The following SCN3A variants were observed in gnomAD, a reference collection of about 807,000 sequenced individuals.
SCN3A encodes the protein sodium voltage-gated channel alpha subunit 3.
In SCN3A, 60 loss-of-function variants were observed where a neutral mutation model predicts 187.6. The ratio of observed to expected loss-of-function variants is 0.32; its 90% CI spans 0.26 to 0.40. The LOEUF (loss-of-function observed/expected upper bound fraction) is 0.40, where lower values mean the gene tolerates loss of function less well. Among genes scored for constraint, SCN3A ranks in the 10% least tolerant of loss-of-function variants. SCN3A has a pLI of 1.00. For missense variants in SCN3A, 1,601 were observed against 2,428.2 expected, an observed-to-expected ratio of 0.66 and a Z score of 7.16; for synonymous variants, 788 against 829.2, an observed-to-expected ratio of 0.95 and a Z score of 0.85.
At chr2:165,199,364 T>A (rs1193484484) in intron 1 of SCN3A, among the ~76,000 whole-genome samples, 1 of 151,960 alleles carries the variant, frequency 6.6e-6, no homozygotes, top group Non-Finnish European at 1.5e-5. Context: ...AACTCCAGAT[T>A]TCATAAGGTT....
chr2:165,114,389 C>G (rs916393934), intron 19 of SCN3A, among the ~76,000 whole-genome samples: 1 of 152,190 alleles, frequency 6.6e-6, no homozygotes, highest in East Asian at 1.9e-4. Context: ...ATCTCGCTGT[C>G]TTCCCAGGCA....
intron 7 of SCN3A, 65 bp from the exon 8 acceptor site, chr2:165,162,893 A>G (rs761387882): frequency 1.1e-5 from 17 of 1,565,638 alleles, no homozygotes; most frequent in Non-Finnish European, 1.5e-5. Context: ...CTTAATAGTC[A>G]CACACATTCT....
At chr2:165,126,535 T>C (rs1202773069) in intron 18 of SCN3A, among the ~76,000 whole-genome samples, 1 of 151,484 alleles carries the variant, frequency 6.6e-6, no homozygotes, top group Admixed American at 6.6e-5. Context: ...TTTTCTTTAT[T>C]TCCTTCTTTC....
intron 18 of SCN3A, among the ~76,000 whole-genome samples, chr2:165,121,302 T>C (rs563880282): frequency 2.4e-4 from 37 of 152,326 alleles, no homozygotes; most frequent in African/African-American, 7.0e-4. Flanking sequence ...CAGAAGGGCA[T>C]GTGCTCCGGA....
intron 7 of SCN3A, among the ~76,000 whole-genome samples, chr2:165,163,288 A>G (rs114027852): frequency 5.4e-4 from 82 of 152,238 alleles, no homozygotes; most frequent in Admixed American, 9.2e-4. Context: ...AAGGAGATCC[A>G]TTTTTGAACT....
chr2:165,182,456 A>G (rs2105941913), intron 2 of SCN3A, among the ~76,000 whole-genome samples: 1 of 152,312 alleles, frequency 6.6e-6, no homozygotes, highest in Middle Eastern at 3.4e-3. Flanking sequence ...ATGAACCTAA[A>G]GGGTGAGCAC....
chr2:165,192,435 T>G (rs1255502191), intron 1 of SCN3A, among the ~76,000 whole-genome samples: 1 of 152,144 alleles, frequency 6.6e-6, no homozygotes, highest in Admixed American at 6.6e-5. Flanking sequence ...AAGATAAACA[T>G]GATTGTTGTT....
At position 165,140,891 on chromosome 2, in the gene SCN3A, A is replaced by G. The variant is rs749644271; in HGVS notation, c.1779T>C (p.Phe593=). 2.5e-6 allele frequency: 4 copies of G among 1,614,130 alleles called. No individual in the cohort carries two copies. In the South Asian group the frequency reaches 4.4e-5, roughly 18 times the overall value. The change falls in exon 13 of 28, where the codon TTT becomes TTC. Residue 593 remains phenylalanine (F), a synonymous_variant. Transcript: ENST00000283254. The surrounding 1 kb of genome is among the most constrained non-coding windows in gnomAD (Gnocchi z 4.2). The part of the protein sequence containing the change: ...RAKDVGSEND[F]ADDEHSTFED... Reference sequence around the variant, plus strand: ...CAAATGTGCTGTGTTCATCATCAGCAAAGTCATTTTCAGATCCAACATCCT... The same window carrying G: ...CAAATGTGCTGTGTTCATCATCAGCGAAGTCATTTTCAGATCCAACATCCT...
intron 17 of SCN3A, among the ~76,000 whole-genome samples, chr2:165,128,384 G>C (rs894615161): frequency 6.6e-6 from 1 of 151,994 alleles, no homozygotes; most frequent in Admixed American, 6.6e-5. Flanking sequence ...ACTCAGGTTT[G>C]CCAGTGCAAA....
chr2:165,147,283 TGGG>T (rs138549123), intron 11 of SCN3A, among the ~76,000 whole-genome samples: 50 of 130,150 alleles, frequency 3.8e-4, no homozygotes, highest in Non-Finnish European at 7.1e-4. Flanking sequence ...GTCTTTTTTT[TGGG>T]GGGGGGGGGT....
rs1488954113 is a variant in SCN3A, at chr2:165,162,847, A to G, written c.695-19T>C. 6.2e-7 allele frequency: 1 copy of G among 1,613,782 alleles called. No homozygotes were observed. Reference sequence around the variant, plus strand: ...TTTAAACCTGCAGAGAGAGAACTATAGGTTACCTGAGGAAGAGTGCCAGAA... The same window carrying G: ...TTTAAACCTGCAGAGAGAGAACTATGGGTTACCTGAGGAAGAGTGCCAGAA... On this transcript the variant is annotated intron_variant, in intron 7 of 27. Coordinates refer to ENST00000283254, the MANE Select transcript of SCN3A (RefSeq NM_006922.4).
intron 4 of SCN3A, among the ~76,000 whole-genome samples, chr2:165,169,749 C>A (rs1190121432): frequency 6.6e-6 from 1 of 151,840 alleles, no homozygotes; most frequent in East Asian, 1.9e-4. Flanking sequence ...TTGAACACTG[C>A]CTCAGAAAAT....
intron 21 of SCN3A, among the ~76,000 whole-genome samples, chr2:165,109,030 A>T (rs918210408): frequency 1.8e-4 from 27 of 152,248 alleles, no homozygotes; most frequent in Middle Eastern, 3.4e-3. Context: ...ATATACCAAT[A>T]TTGCTTGATT....
Position 165,168,760 on chromosome 2 carries a change from G to T in SCN3A, c.449C>A (p.Pro150His). Residue 150 changes from proline to histidine, a missense_variant, in exon 5 of 28, where the codon CCT (proline) becomes CAT (histidine). Coordinates refer to ENST00000283254, the MANE Select transcript of SCN3A (RefSeq NM_006922.4). The part of the protein sequence containing the change: ...TNCVFMTLSN[P>H]PDWTKNVEYT... ...CTCTACATTCTTTGTCCAGTCAGGA[G>T]GGTTGCTCAAGGTCATAAATACACA... The T allele has an allele frequency of 1.2e-6, 2 of 1,611,224 alleles. No individual in the cohort carries two copies. The highest frequency in any genetic ancestry group is 1.7e-6 in the Non-Finnish European group (2 of 1,177,628).
Position 165,138,027 on chromosome 2 carries a change from T to G in SCN3A, c.2243A>C (p.Lys748Thr). Residue 748 changes from lysine (K) to threonine (T), a missense_variant, in exon 15 of 28, where the codon AAA becomes ACA. By Grantham distance (78) the Lys-to-Thr change is moderately conservative. This residue lies in a region of SCN3A where 376 missense variants were observed against 476.0 expected (regional missense o/e 0.79). Transcript: ENST00000283254. ...LIWDCCDAWL[K>T]VKHLVNLIVM... is the part of the protein sequence containing the mutation. The stretch of plus-strand genomic sequence containing the variant: ...AATTAAATTCACAAGATGTTTTACT[T>G]TTAACCATGCATCACAGCAGTCCCA... The G allele has an allele frequency of 1.9e-6, 3 of 1,613,638 alleles. No homozygotes were observed. The highest frequency in any genetic ancestry group is 2.5e-6 in the Non-Finnish European group (3 of 1,179,638).
At chr2:165,173,641 G>A (rs1690260934) in intron 3 of SCN3A, among the ~76,000 whole-genome samples, 1 of 152,146 alleles carries the variant, frequency 6.6e-6, no homozygotes, top group African/African-American at 2.4e-5. Flanking sequence ...TGATGGTAAA[G>A]AGTTACATAA....
intron 3 of SCN3A, among the ~76,000 whole-genome samples, chr2:165,172,565 G>A (rs1265292557): frequency 6.6e-6 from 1 of 152,110 alleles, no homozygotes; most frequent in Non-Finnish European, 1.5e-5. Context: ...ACTTGAAAAA[G>A]CTCACCGTAA....
chr2:165,176,509 C>A, intron 2 of SCN3A, 65 bp from the exon 3 acceptor site: 1 of 1,263,984 alleles, frequency 7.9e-7, no homozygotes, highest in Non-Finnish European at 1.1e-6. Context: ...GAACATCAAC[C>A]AAAATGTCAT....
At chr2:165,122,599 A>T (rs1008775089) in intron 18 of SCN3A, among the ~76,000 whole-genome samples, 15 of 152,180 alleles carry the variant, frequency 9.9e-5, no homozygotes, top group Admixed American at 7.2e-4. Flanking sequence ...AAGGCTAAAG[A>T]CTAAATTAGA....
Sources: allele counts gnomAD v4.1 joint callset (sites outside exome capture counted in the v4.1 genomes callset), GRCh38; gene constraint gnomAD v4.1.1; regional missense constraint gnomAD v4.1.1; non-coding constraint Gnocchi (gnomAD v3.1); transcripts MANE v1.5; gene names NCBI Gene and HGNC (gene_info 2026-07-23, HGNC 2026-07-21).